The following TMOD2 variants were observed in gnomAD, a reference collection of about 807,000 sequenced individuals.
The protein encoded by TMOD2 is tropomodulin-2.
In TMOD2, 22 loss-of-function variants were observed where a neutral mutation model predicts 39.9. The observed-to-expected ratio is 0.55, with a 90% confidence interval of 0.39 to 0.79. The LOEUF (loss-of-function observed/expected upper bound fraction) is 0.79, where lower values mean the gene tolerates loss of function less well. Ranked by LOEUF, TMOD2 falls within the 30% of genes least tolerant of loss-of-function variation. The probability of loss-of-function intolerance (pLI) is 0.00; values close to 1 mark genes in which losing one functional copy is unlikely to be tolerated. For synonymous variants in TMOD2, 123 were observed against 146.1 expected (o/e 0.84, Z 1.14); for missense variants, 386 against 413.3 (o/e 0.93, Z 0.57).
At chr15:51,754,875 A>G (rs549387787) in intron 1 of TMOD2, among the ~76,000 whole-genome samples, 1 of 152,364 alleles carries the variant, frequency 6.6e-6, no homozygotes, top group East Asian at 1.9e-4. Context: ...AATGAAAAAT[A>G]TCTTGAGGGG....
chr15:51,780,964 A>G (rs1236031502), intron 5 of TMOD2, 80 bp from the exon 6 acceptor site: 25 of 1,202,466 alleles, frequency 2.1e-5, no homozygotes, highest in Non-Finnish European at 8.2e-6. Context: ...CATATGAAAG[A>G]AATGTCATTT....
Position 51,806,540 on chromosome 15 carries a change from T to A in TMOD2, c.1021+19T>A. 2 of 1,613,874 alleles carry A rather than the reference T, an allele frequency of 1.2e-6. No homozygotes were observed. The highest frequency in any genetic ancestry group is 1.7e-6 in the Non-Finnish European group (2 of 1,179,842). The stretch of plus-strand genomic sequence containing the variant: ...GACCTGGGTAATTCAGCCATAATAT[T>A]TGCTGTTAACAATTAGAAGAGCATG... On this transcript the variant is annotated intron_variant, in intron 9 of 9. Coordinates refer to ENST00000249700, the MANE Select transcript of TMOD2 (RefSeq NM_014548.4).
At chr15:51,778,421 A>G (rs1362775119) in intron 5 of TMOD2, among the ~76,000 whole-genome samples, 9 of 150,796 alleles carry the variant, frequency 6.0e-5, no homozygotes, top group South Asian at 2.1e-4. Context: ...CACCAGCATG[A>G]CACATGTATA....
chr15:51,768,174 A>G lies in TMOD2; in HGVS notation c.127-88A>G. 5 of 1,493,340 alleles carry G rather than the reference A, an allele frequency of 3.3e-6. No homozygotes were observed. In the South Asian group the frequency reaches 4.7e-5, roughly 14 times the overall value. 92.5% of individuals were successfully genotyped at this position (1,493,340 alleles called of 1,614,324 possible). On this transcript the variant is annotated intron_variant, in intron 2 of 9. Coordinates refer to ENST00000249700, the MANE Select transcript of TMOD2 (RefSeq NM_014548.4). ...GCGTAGGTATCCTTCCTGCTTCCCC[A>G]GCACATAGTGAGTGGGGGTGGAAGA... is the stretch of plus-strand genomic sequence containing the variant.
intron 7 of TMOD2, 92 bp from the exon 8 acceptor site, chr15:51,798,105 A>T: frequency 7.1e-6 from 8 of 1,120,212 alleles, no homozygotes; most frequent in Non-Finnish European, 9.9e-6. Context: ...GCTAGAAAAC[A>T]TCTGTATTTA....
chr15:51,793,770 G>A lies in TMOD2; in HGVS notation c.733-4427G>A, dbSNP rs562464402. ...GAAATTGGCAAGATCCTGGCAACTC[G>A]CCAGGAGGTCCTGCAACTTTCTGTA... On this transcript the variant is annotated intron_variant, in intron 7 of 9. Coordinates refer to ENST00000249700, the MANE Select transcript of TMOD2 (RefSeq NM_014548.4). Among the ~76,000 whole-genome samples the A allele has an allele frequency of 9.2e-5, 14 of 152,276 alleles. No homozygotes were observed. The East Asian group carries it at 1.5e-3, about 17-fold the overall frequency.
chr15:51,759,202 A>G (rs910436661), intron 1 of TMOD2, among the ~76,000 whole-genome samples: 2 of 152,200 alleles, frequency 1.3e-5, no homozygotes, highest in South Asian at 4.1e-4. Flanking sequence ...AGAAGATGTT[A>G]AGGATGGCTC....
At chr15:51,768,176 C>T (rs2055828562) in intron 2 of TMOD2, 86 bp from the exon 3 acceptor site, 2 of 1,479,298 alleles carry the variant, frequency 1.4e-6, no homozygotes, top group African/African-American at 2.8e-5. Context: ...GCTTCCCCAG[C>T]ACATAGTGAG....
At chr15:51,786,725 G>A (rs2055972733) in intron 7 of TMOD2, among the ~76,000 whole-genome samples, 1 of 152,198 alleles carries the variant, frequency 6.6e-6, no homozygotes, top group African/African-American at 2.4e-5. Flanking sequence ...CATTCAAATG[G>A]AATTTGTCCC....
At chr15:51,763,513 A>T (rs1245070804) in intron 1 of TMOD2, among the ~76,000 whole-genome samples, 7 of 152,228 alleles carry the variant, frequency 4.6e-5, no homozygotes, top group African/African-American at 1.2e-4. Context: ...GTGGTAATTT[A>T]AAAAATCTGT....
chr15:51,781,823 A>AGAGAGAGT (rs368954467), intron 6 of TMOD2, among the ~76,000 whole-genome samples: 3,979 of 149,414 alleles, frequency 0.027, 155 homozygotes, highest in African/African-American at 0.094. Flanking sequence ...AGAGAGAGAG[A>AGAGAGAGT]GTGTGTGTGT....
At chr15:51,789,394 C>A (rs1458241678) in intron 7 of TMOD2, among the ~76,000 whole-genome samples, 1 of 152,164 alleles carries the variant, frequency 6.6e-6, no homozygotes, top group Non-Finnish European at 1.5e-5. Context: ...GACTTAGACT[C>A]CCACACGATA....
chr15:51,774,480 A>G (rs1302226868), intron 4 of TMOD2, among the ~76,000 whole-genome samples: 4 of 152,210 alleles, frequency 2.6e-5, no homozygotes, highest in African/African-American at 7.2e-5. Context: ...TTAGATGACC[A>G]CAGGATAGAG....
intron 8 of TMOD2, among the ~76,000 whole-genome samples, chr15:51,802,917 C>T (rs1209473347): frequency 6.6e-6 from 1 of 152,168 alleles, no homozygotes; most frequent in Non-Finnish European, 1.5e-5. Flanking sequence ...AGAGATAAGC[C>T]TTAAACTTGC....
chr15:51,761,395 T>A (rs563207367), intron 1 of TMOD2, among the ~76,000 whole-genome samples: 1 of 151,724 alleles, frequency 6.6e-6, no homozygotes, highest in Non-Finnish European at 1.5e-5. Flanking sequence ...TAGAGAAAAA[T>A]TGGGAGTTTA....
rs748938689 is a variant in TMOD2 at position 51,768,248 on chromosome 15, C to A, written c.127-14C>A. On this transcript the variant is annotated splice_polypyrimidine_tract_variant and intron_variant, in intron 2 of 9. Coordinates refer to ENST00000249700, the MANE Select transcript of TMOD2 (RefSeq NM_014548.4). ...CAGACATCTTCCTTCCTGCTCACAC[C>A]TCTTTCTTGTCAGAGTGCCATGCTG... 54 of 1,613,846 alleles carry A rather than the reference C, an allele frequency of 3.3e-5. No homozygotes were observed. Among genetic ancestry groups the A allele is most frequent in the Non-Finnish European group, 4.2e-5 (49 of 1,179,906 alleles).
chr15:51,781,823 A>AGAGAGTGT (rs368954467), intron 6 of TMOD2, among the ~76,000 whole-genome samples: 9 of 149,506 alleles, frequency 6.0e-5, no homozygotes, highest in South Asian at 4.2e-4. Flanking sequence ...AGAGAGAGAG[A>AGAGAGTGT]GTGTGTGTGT....
At chr15:51,776,229 A>AT (rs2055888429) in intron 4 of TMOD2, among the ~76,000 whole-genome samples, 1 of 152,212 alleles carries the variant, frequency 6.6e-6, no homozygotes, top group Non-Finnish European at 1.5e-5. Flanking sequence ...ACAGATTATT[A>AT]TCCCTTCTGG....
At chr15:51,789,408 A>C (rs1350142312) in intron 7 of TMOD2, among the ~76,000 whole-genome samples, 2 of 152,184 alleles carry the variant, frequency 1.3e-5, no homozygotes, top group Non-Finnish European at 2.9e-5. Flanking sequence ...CACGATAATA[A>C]TGGGAGACTT....
Sources: allele counts gnomAD v4.1 joint callset (sites outside exome capture counted in the v4.1 genomes callset), GRCh38; gene constraint gnomAD v4.1.1; transcripts MANE v1.5; gene names NCBI Gene and HGNC (gene_info 2026-07-23, HGNC 2026-07-21).